The following PRSS53 variants were observed in gnomAD, a reference collection of about 807,000 sequenced individuals.
The protein encoded by PRSS53 is serine protease 53, also known as EDTP308.
Under a neutral mutation model 62.7 loss-of-function variants are expected in PRSS53, and 54 were observed. That is an observed-to-expected ratio of 0.86 (90% CI 0.69 to 1.08). The LOEUF (loss-of-function observed/expected upper bound fraction) is 1.08. Among genes scored for constraint, PRSS53 ranks in the 50% least tolerant of loss-of-function variants. The pLI is 0.00. For synonymous variants in PRSS53, 273 were observed against 300.0 expected (o/e 0.91, Z 0.93); for missense variants, 688 against 728.3 (o/e 0.94, Z 0.64).
intron 1 of PRSS53, chr16:31,088,032 TCTC>T (rs2057252961): frequency 6.9e-7 from 1 of 1,458,402 alleles, no homozygotes; most frequent in Non-Finnish European, 9.0e-7. Context: ...AGTAATTAAT[TCTC>T]CTTCAGCTGT....
chr16:31,085,832 G>A lies in PRSS53; in HGVS notation c.883+132C>T, dbSNP rs2057226486. The A allele has an allele frequency of 5.0e-6, 4 of 794,502 alleles. No homozygotes were observed. In the East Asian group the frequency reaches 1.0e-4, roughly 20 times the overall value. 49.2% of individuals were successfully genotyped at this position (794,502 alleles called of 1,614,324 possible). ...TGTGCCTCTCAGCCCTAACAGGGCT[G>A]TTCCCATCCCAGGGGGTGAAAGAGC... is the stretch of plus-strand genomic sequence containing the variant. On this transcript the variant is annotated intron_variant, in intron 6 of 10. Coordinates refer to ENST00000280606, the Ensembl canonical transcript of PRSS53.
intron 5 of PRSS53, 74 bp downstream of exon 5, chr16:31,086,263 C>A (rs1036148334): frequency 1.3e-5 from 20 of 1,584,206 alleles, no homozygotes; most frequent in Non-Finnish European, 1.5e-5. Context: ...GTCTTTCCCC[C>A]AGTCCTGTGA....
At chr16:31,088,847 G>C (rs2057261284) in exon 1 of PRSS53, 1 of 1,611,818 alleles carries the variant, frequency 6.2e-7, no homozygotes, top group African/African-American at 1.3e-5. Context: ...GCTCCACTCT[G>C]AGAGAGGCCA....
chr16:31,085,174 GCTGTCC>G (rs752725867), exon 7 of PRSS53: 1 of 1,610,212 alleles, frequency 6.2e-7, no homozygotes, highest in South Asian at 1.1e-5. Context: ...CCACAGGCCA[GCTGTCC>G]CTGGTGCATC....
intron 3 of PRSS53, chr16:31,087,231 A>T: frequency 1.9e-6 from 1 of 534,734 alleles, no homozygotes; most frequent in Non-Finnish European, 3.3e-6. Context: ...TCTTGGGCTC[A>T]AGCGATCCTC....
chr16:31,086,513 G>T lies in PRSS53; in HGVS notation c.509-22C>A. 1.9e-6 allele frequency: 3 copies of T among 1,599,286 alleles called. No homozygotes were observed. The South Asian group carries it at 3.3e-5, about 18-fold the overall frequency. ...GGAGCTGGTGAAAGAGACGGGGCTG[G>T]GGCTAGAGTCTGGGATCTGGGAAGC... On this transcript the variant is annotated intron_variant, in intron 4 of 10. Coordinates refer to ENST00000280606, the Ensembl canonical transcript of PRSS53.
chr16:31,085,300 A>G, intron 6 of PRSS53, 40 bp from the exon 7 acceptor site: 1 of 1,487,410 alleles, frequency 6.7e-7, no homozygotes. Context: ...CTTGCTAAGC[A>G]CTTCCCACTT....
chr16:31,084,815 C>T (rs770954506), exon 8 of PRSS53: 71 of 1,539,936 alleles, frequency 4.6e-5, no homozygotes, highest in African/African-American at 2.2e-4. Context: ...AACCCAGCCA[C>T]GCTCCCCATC....
intron 6 of PRSS53, among the ~76,000 whole-genome samples, 192 bp from the exon 7 acceptor site, chr16:31,085,452 G>A (rs370671008): frequency 6.6e-6 from 1 of 152,154 alleles, no homozygotes; most frequent in African/African-American, 2.4e-5. Context: ...GCAAGCCAGG[G>A]CCTGAGCTTT....
chr16:31,087,100 C>T, intron 3 of PRSS53: 5 of 564,876 alleles, frequency 8.9e-6, no homozygotes, highest in South Asian at 5.1e-5. Context: ...CAGGCTCAAG[C>T]GATCCTCCCA....
At chr16:31,085,000 G>T (rs1432893783) in exon 8 of PRSS53, 2 of 1,584,868 alleles carry the variant, frequency 1.3e-6, no homozygotes, top group Admixed American at 1.8e-5. Flanking sequence ...CCAGCCCTAC[G>T]CTCCATTCCT....
chr16:31,086,484 C>A, exon 5 of PRSS53: 1 of 1,611,686 alleles, frequency 6.2e-7, no homozygotes. Context: ...TGCGTAGGGT[C>A]CCAGGAGCTG....
chr16:31,088,826 C>G lies in PRSS53; in HGVS notation c.-17G>C, dbSNP rs1223385697. On this transcript the variant is annotated 5_prime_UTR_variant, in exon 1 of 11. Coordinates refer to ENST00000280606, the Ensembl canonical transcript of PRSS53. ...CCACTTCATGCTGCCCCGGGCCACT[C>G]TGCCACCTGTGCTCCACTCTGAGAG... is the stretch of plus-strand genomic sequence containing the variant. The G allele has an allele frequency of 4.3e-6, 7 of 1,613,406 alleles. No individual in the cohort carries two copies. The East Asian group carries it at 1.3e-4, about 31-fold the overall frequency.
Position 31,086,497 on chromosome 16 carries a change from GAA to G in PRSS53, c.509-8_509-7del. 1 of 1,608,840 alleles carries G rather than the reference GAA, an allele frequency of 6.2e-7. No homozygotes were observed. Among genetic ancestry groups the G allele is most frequent in the Non-Finnish European group, 8.5e-7 (1 of 1,176,334 alleles). The stretch of plus-strand genomic sequence containing the variant: ...ATTGCGTAGGGTCCCAGGAGCTGGT[GAA>G]AGAGACGGGGCTGGGGCTAGAGTCT... On this transcript the variant is annotated splice_region_variant and splice_polypyrimidine_tract_variant and intron_variant, in intron 4 of 10. Transcript: ENST00000280606.
At chr16:31,088,357 C>T (rs2057256249) in intron 1 of PRSS53, 1 of 1,125,702 alleles carries the variant, frequency 8.9e-7, no homozygotes, top group South Asian at 2.5e-5. Flanking sequence ...CCGCCCCTCA[C>T]AGGCACACAG....
Position 31,085,954 on chromosome 16 carries a change from CCA to C in PRSS53, c.883+8_883+9del. Reference sequence around the variant, plus strand: ...GGCTTCTGCCCACTCCCAGCATGCCCCACTCGTACCTACACAGCTGTCCTCAT... The same window carrying C: ...GGCTTCTGCCCACTCCCAGCATGCCCCTCGTACCTACACAGCTGTCCTCAT... On this transcript the variant is annotated splice_region_variant and intron_variant, in intron 6 of 10. Transcript: ENST00000280606. 1.2e-6 allele frequency: 2 copies of C among 1,603,680 alleles called. No homozygotes were observed. The highest frequency in any genetic ancestry group is 3.4e-4 in the Middle Eastern group (2 of 5,824).
intron 6 of PRSS53, 108 bp downstream of exon 6, chr16:31,085,856 G>T: frequency 1.0e-6 from 1 of 986,938 alleles, no homozygotes; most frequent in Non-Finnish European, 1.6e-6. Context: ...GGGTGAAAGA[G>T]CCCCCTAATT....
chr16:31,087,606 C>G (rs1246166739), exon 3 of PRSS53: 2 of 1,610,942 alleles, frequency 1.2e-6, no homozygotes, highest in Admixed American at 3.4e-5. Flanking sequence ...GATGTGGGCT[C>G]CTTGCCTCCT....
At chr16:31,085,346 T>A (rs2057221517) in intron 6 of PRSS53, 86 bp from the exon 7 acceptor site, 1 of 1,414,276 alleles carries the variant, frequency 7.1e-7, no homozygotes. Context: ...TGAAATTGAA[T>A]TTTGTTCCCC....
Sources: allele counts gnomAD v4.1 joint callset (sites outside exome capture counted in the v4.1 genomes callset), GRCh38; gene constraint gnomAD v4.1.1; transcripts MANE v1.5; gene names NCBI Gene and HGNC (gene_info 2026-07-23, HGNC 2026-07-21).